SLC12A9: variants seen among roughly 807,000 people sequenced by gnomAD.
The protein encoded by SLC12A9 is CCC-interacting protein 1.
In SLC12A9, 55 loss-of-function variants were observed where a neutral mutation model predicts 66.0. The observed-to-expected ratio is 0.83, with a 90% CI of 0.67 to 1.04. The LOEUF (loss-of-function observed/expected upper bound fraction) is 1.04, where lower values mean the gene tolerates loss of function less well. Among genes scored for constraint, SLC12A9 ranks in the 50% least tolerant of loss-of-function variants. The pLI is 0.00. For missense variants in SLC12A9, 1,061 were observed against 1,241.9 expected (o/e 0.85, Z 2.19); for synonymous variants, 577 against 569.0 (o/e 1.01, Z -0.20).
At position 100,854,895 on chromosome 7, in the gene SLC12A9, G is replaced by A; in HGVS notation, c.316+141G>A. On this transcript the variant is annotated intron_variant, in intron 3 of 13. Coordinates refer to ENST00000354161, the MANE Select transcript of SLC12A9 (RefSeq NM_020246.4). ...AAAATTTTTTTAGGCTGGGTGCGGT[G>A]GCTCACATCTGTAATCCCAGCACTT... is the stretch of plus-strand genomic sequence containing the variant. 4.3e-6 allele frequency: 5 copies of A among 1,174,828 alleles called. No homozygotes were observed. In the South Asian group the frequency reaches 7.5e-5, roughly 18 times the overall value. The allele number at this position is 1,174,828 out of a possible 1,614,324, so 72.8% of individuals were successfully genotyped here. A position where few individuals can be genotyped will look rare whatever the true frequency, so the allele number is the denominator to read the frequency against.
At chr7:100,837,363 AC>A (rs1167272975) in intron 1 of SLC12A9, 1 of 152,160 alleles carries the variant, frequency 6.6e-6, no homozygotes, top group African/African-American at 2.4e-5. Context: ...GGAGAGGACG[AC>A]CCGCCCGTAG....
intron 1 of SLC12A9, among the ~76,000 whole-genome samples, chr7:100,830,371 A>G (rs536642236): frequency 6.6e-6 from 1 of 152,142 alleles, no homozygotes; most frequent in Admixed American, 6.6e-5. Flanking sequence ...AATTAATTAA[A>G]CAATAGAAAA....
At position 100,861,864 on chromosome 7, in the gene SLC12A9, A is replaced by G; in HGVS notation, c.1664A>G (p.Lys555Arg). 6.2e-7 allele frequency: 1 copy of G among 1,613,558 alleles called. No individual in the cohort carries two copies. Among genetic ancestry groups the G allele is most frequent in the Non-Finnish European group, 8.5e-7 (1 of 1,179,818 alleles). ...LPLLRLANQL[K>R]KGGLYVLGHV... ...CTGCTGCGGTTGGCCAACCAGCTTA[A>G]GAAGGGGGGGCTGTATGTGCTGGGC... The change falls in exon 12 of 14, where the codon AAG (lysine) becomes AGG (arginine). Residue 555 changes from lysine to arginine, a missense_variant. Physicochemically the swap from Lys to Arg is conservative, Grantham distance 26. Coordinates refer to ENST00000354161, the MANE Select transcript of SLC12A9 (RefSeq NM_020246.4). This position sits in a 1 kb window ranked among gnomAD's most constrained non-coding sequence, Gnocchi z 5.3.
intron 9 of SLC12A9, 38 bp downstream of exon 9, chr7:100,860,270 C>T (rs1237562587): frequency 6.3e-7 from 1 of 1,598,102 alleles, no homozygotes. Context: ...TCCCTCACCC[C>T]ACCAGCTGGC....
At chr7:100,827,081 C>G (rs1293382154) in intron 1 of SLC12A9, 1 of 1,544,640 alleles carries the variant, frequency 6.5e-7, no homozygotes. Context: ...GGGCCCTCGC[C>G]CCCCCAGGTC....
At chr7:100,860,859 G>A in intron 9 of SLC12A9, 1 of 532,834 alleles carries the variant, frequency 1.9e-6, no homozygotes, top group Non-Finnish European at 3.5e-6. Context: ...GGCACTTTCT[G>A]GGGTTCACTG....
chr7:100,866,413 A>G lies in SLC12A9; in HGVS notation c.2553A>G (p.Gly851=). The part of the protein sequence containing the change: ...VRAQQGRGTG[G]GPGGPEGGDA... ...CCCAGCAGGGGCGCGGCACAGGAGG[A>G]GGGCCGGGTGGGCCGGAGGGTGGGG... Residue 851 remains glycine, a synonymous_variant, in exon 14 of 14, where the codon GGA becomes GGG. Transcript: ENST00000354161. This position sits in a 1 kb window ranked among gnomAD's most constrained non-coding sequence, Gnocchi z 7.3. 1.3e-6 allele frequency: 2 copies of G among 1,543,034 alleles called. No individual in the cohort carries two copies. The highest frequency in any genetic ancestry group is 1.7e-6 in the Non-Finnish European group (2 of 1,143,012).
intron 1 of SLC12A9, among the ~76,000 whole-genome samples, chr7:100,836,777 C>A (rs960618755): frequency 6.7e-6 from 1 of 148,682 alleles, no homozygotes; most frequent in Non-Finnish European, 1.5e-5. Flanking sequence ...GGGCGGTGCC[C>A]AAGGGCTCAT....
At chr7:100,859,761 A>G in intron 7 of SLC12A9, 124 bp from the exon 8 acceptor site, 1 of 1,196,306 alleles carries the variant, frequency 8.4e-7, no homozygotes, top group Non-Finnish European at 1.2e-6. Flanking sequence ...AAGGCTGCCC[A>G]ATGAATACCA....
chr7:100,854,085 T>G, intron 1 of SLC12A9, 71 bp from the exon 2 acceptor site: 2 of 1,006,840 alleles, frequency 2.0e-6, no homozygotes, highest in Non-Finnish European at 2.8e-6. Context: ...TTCAGGGTGT[T>G]TGATTAGTGG....
Position 100,859,089 on chromosome 7 carries a change from C to A in SLC12A9, c.905C>A (p.Thr302Lys). ...KDPSRAIPLGTIVAVAYTFFV... is the reference protein window; with the variant it reads ...KDPSRAIPLGKIVAVAYTFFV... ...CCCAGCCGGGCGATCCCTCTGGGCA[C>A]GATCGTCGCCGTCGCCTACACCTTC... Residue 302 changes from threonine (T) to lysine (K), a missense_variant, in exon 7 of 14, where the codon ACG becomes AAG. Coordinates refer to ENST00000354161, the MANE Select transcript of SLC12A9 (RefSeq NM_020246.4). The A allele has an allele frequency of 6.2e-7, 1 of 1,613,974 alleles. No individual in the cohort carries two copies. Among genetic ancestry groups the A allele is most frequent in the South Asian group, 1.1e-5 (1 of 91,086 alleles).
upstream of SLC12A9, among the ~76,000 whole-genome samples, chr7:100,850,446 C>T (rs894589868): frequency 6.7e-6 from 1 of 150,372 alleles, no homozygotes; most frequent in Non-Finnish European, 1.5e-5. Flanking sequence ...TTCTGTGTTG[C>T]CCAGGCTGGT....
chr7:100,833,958 A>AG (rs1562979758), intron 1 of SLC12A9, among the ~76,000 whole-genome samples: 4 of 150,440 alleles, frequency 2.7e-5, no homozygotes, highest in Non-Finnish European at 5.9e-5. Flanking sequence ...AAAAAAAAAA[A>AG]AAAGAAAGAA....
intron 1 of SLC12A9, among the ~76,000 whole-genome samples, chr7:100,844,146 G>T (rs1813851435): frequency 6.6e-6 from 1 of 152,174 alleles, no homozygotes; most frequent in Non-Finnish European, 1.5e-5. Flanking sequence ...ACTGAGGACT[G>T]TTCCCAGTAT....
chr7:100,832,744 ATTTC>A (rs946218577), intron 1 of SLC12A9, among the ~76,000 whole-genome samples: 1 of 151,776 alleles, frequency 6.6e-6, no homozygotes, highest in African/African-American at 2.4e-5. Context: ...GTCAGCTGTG[ATTTC>A]TTCTCTCAAT....
intron 1 of SLC12A9, among the ~76,000 whole-genome samples, chr7:100,844,745 C>T (rs757282538): frequency 6.6e-6 from 1 of 152,078 alleles, no homozygotes; most frequent in Non-Finnish European, 1.5e-5. Flanking sequence ...AAAAGAGGAG[C>T]GTGTGACCTT....
rs764048324 is a variant in SLC12A9 at position 100,865,963 on chromosome 7, G to A, written c.2103G>A (p.Arg701=). Residue 701 remains arginine, a synonymous_variant, in exon 14 of 14, where the codon CGG becomes CGA. Transcript: ENST00000354161. ...LKMNKNVVLA[R]ASGALPPERL... ...TGAACAAGAATGTGGTGCTGGCCCG[G>A]GCCAGCGGGGCCTTGCCCCCTGAGC... is the stretch of plus-strand genomic sequence containing the variant. The A allele has an allele frequency of 1.2e-6, 2 of 1,612,926 alleles. No individual in the cohort carries two copies. Among genetic ancestry groups the A allele is most frequent in the African/African-American group, 2.7e-5 (2 of 74,936 alleles).
At chr7:100,860,944 G>C in intron 9 of SLC12A9, 194 bp from the exon 10 acceptor site, 1 of 965,530 alleles carries the variant, frequency 1.0e-6, no homozygotes, top group Non-Finnish European at 1.6e-6. Context: ...GGGTGCACTG[G>C]CACTTTTGGG....
chr7:100,854,427 A>G (rs367838788), intron 2 of SLC12A9, 49 bp downstream of exon 2: 61 of 1,598,132 alleles, frequency 3.8e-5, no homozygotes, highest in Non-Finnish European at 5.0e-5. Context: ...ATGGGAGGAC[A>G]TGATGGGGAG....
Sources: allele counts gnomAD v4.1 joint callset (sites outside exome capture counted in the v4.1 genomes callset), GRCh38; gene constraint gnomAD v4.1.1; non-coding constraint Gnocchi (gnomAD v3.1); transcripts MANE v1.5; gene names NCBI Gene and HGNC (gene_info 2026-07-23, HGNC 2026-07-21).